SLC24A1: variants seen among roughly 807,000 people sequenced by gnomAD.
SLC24A1 encodes the protein solute carrier family 24 member 1.
Under a neutral mutation model 88.1 loss-of-function variants are expected in SLC24A1, and 52 were observed. That is an observed-to-expected ratio of 0.59 (90% CI 0.47 to 0.74). The LOEUF (loss-of-function observed/expected upper bound fraction) is 0.74. Ranked by LOEUF, SLC24A1 falls within the 30% of genes least tolerant of loss-of-function variation. The pLI, the probability that SLC24A1 is intolerant of heterozygous loss-of-function variation, is 0.00. For synonymous variants in SLC24A1, 455 were observed against 498.0 expected, an observed-to-expected ratio of 0.91 and a Z score of 1.15; for missense variants, 1,173 against 1,363.3, an observed-to-expected ratio of 0.86 and a Z score of 2.20.
intron 9 of SLC24A1, chr15:65,653,061 C>G (rs1325149950): frequency 3.1e-5 from 10 of 326,892 alleles, no homozygotes; most frequent in Non-Finnish European, 5.0e-5. Flanking sequence ...CCATTTCATT[C>G]CATTACCAAA....
rs59545207 is a variant in SLC24A1 at position 65,636,860 on chromosome 15, A to AAATAATAATAATAAT, written c.1891-1248_1891-1234dup. The stretch of plus-strand genomic sequence containing the variant: ...CACTGCACTCCAGCGCTCTGTCTCA[A>AAATAATAATAATAAT]AATAATAATAATAATAATAATAATA... On this transcript the variant is annotated intron_variant, in intron 2 of 9. Coordinates refer to ENST00000261892, the MANE Select transcript of SLC24A1 (RefSeq NM_004727.3). Among the ~76,000 whole-genome samples the AAATAATAATAATAAT allele has an allele frequency of 7.0e-3, 1,009 of 143,312 alleles. 13 individuals are homozygous for AAATAATAATAATAAT. Among genetic ancestry groups the AAATAATAATAATAAT allele is most frequent in the African/African-American group, 0.019 (717 of 37,960 alleles). The allele number at this position is 143,312 out of a possible 152,430, so 94.0% of individuals were successfully genotyped here.
rs765723264 is a variant in SLC24A1, at chr15:65,650,521, GAGA to G, written c.2377_2379del (p.Glu793del). On this transcript the variant is annotated inframe_deletion, in exon 7 of 10. Transcript: ENST00000261892. The surrounding 1 kb of genome is among the most constrained non-coding windows in gnomAD (Gnocchi z 4.1). Reference sequence around the variant, plus strand: ...GGTGAAACTGAAACACAAGGAAAAGGAGAAGAATGTGAAGATGAAAATGAAGCA... The same window carrying G: ...GGTGAAACTGAAACACAAGGAAAAGGAGAATGTGAAGATGAAAATGAAGCA... 1.3e-6 allele frequency: 2 copies of G among 1,551,694 alleles called. No homozygotes were observed. The highest frequency in any genetic ancestry group is 1.7e-6 in the Non-Finnish European group (2 of 1,147,018).
chr15:65,651,126 C>T (rs1296571724), intron 7 of SLC24A1, among the ~76,000 whole-genome samples, 184 bp downstream of exon 7: 2 of 152,106 alleles, frequency 1.3e-5, no homozygotes, highest in East Asian at 1.9e-4. Context: ...AGGGGACATA[C>T]CACTGGGACT....
Position 65,654,170 on chromosome 15 carries a change from AT to A in SLC24A1, c.*92del. ...TGACCCTAATGAAAGAATGTATATG[AT>A]CCTGGAAAGTGAACTGGGTGACCTA... On this transcript the variant is annotated 3_prime_UTR_variant, in exon 10 of 10. Coordinates refer to ENST00000261892, the MANE Select transcript of SLC24A1 (RefSeq NM_004727.3). 6.6e-7 allele frequency: 1 copy of A among 1,523,604 alleles called. No individual in the cohort carries two copies. Among genetic ancestry groups the A allele is most frequent in the Non-Finnish European group, 8.8e-7 (1 of 1,139,264 alleles). The allele number at this position is 1,523,604 out of a possible 1,614,324, so 94.4% of individuals were successfully genotyped here. A position where few individuals can be genotyped will look rare whatever the true frequency, so the allele number is the denominator to read the frequency against.
intron 2 of SLC24A1, among the ~76,000 whole-genome samples, chr15:65,616,859 G>A (rs891975279): frequency 1.3e-5 from 2 of 152,128 alleles, no homozygotes; most frequent in Admixed American, 6.6e-5. Flanking sequence ...ATGGTTTTAG[G>A]TCTAACATTT....
chr15:65,630,571 G>A (rs1004597825), intron 2 of SLC24A1, among the ~76,000 whole-genome samples: 4 of 152,180 alleles, frequency 2.6e-5, no homozygotes, highest in African/African-American at 9.7e-5. Flanking sequence ...TGGGCTGAGG[G>A]GTTCCCTTCT....
chr15:65,629,481 C>T (rs776495118), intron 2 of SLC24A1, among the ~76,000 whole-genome samples: 1 of 152,126 alleles, frequency 6.6e-6, no homozygotes, highest in Non-Finnish European at 1.5e-5. Context: ...CTTTTATGAC[C>T]CCAGTAAGGA....
intron 2 of SLC24A1, among the ~76,000 whole-genome samples, chr15:65,614,785 A>G (rs578040601): frequency 6.6e-6 from 1 of 152,342 alleles, no homozygotes; most frequent in African/African-American, 2.4e-5. Flanking sequence ...GATGGTGGAT[A>G]TGCATTTGTG....
chr15:65,642,881 A>G (rs947389091), intron 4 of SLC24A1: 9 of 619,800 alleles, frequency 1.5e-5, no homozygotes, highest in Middle Eastern at 4.3e-4. Context: ...AGCTTCCCAG[A>G]TTGCACTTTC....
rs369970909 is a variant in SLC24A1, at chr15:65,625,647, G to A, written c.1567G>A (p.Val523Met). 1.2e-5 allele frequency: 19 copies of A among 1,613,894 alleles called. No homozygotes were observed. Among genetic ancestry groups the A allele is most frequent in the Admixed American group, 5.0e-5 (3 of 60,016 alleles). ...LIGVFISHSN[V>M]GIGTIVGSAV... ...CGGTGTCTTCATTTCCCACAGCAACGTGGGCATTGGTACCATTGTGGGCTC... is the reference window on the plus strand; with the variant it reads ...CGGTGTCTTCATTTCCCACAGCAACATGGGCATTGGTACCATTGTGGGCTC... Residue 523 changes from valine (V) to methionine (M), a missense_variant, in exon 2 of 10, where the codon GTG becomes ATG. Coordinates refer to ENST00000261892, the MANE Select transcript of SLC24A1 (RefSeq NM_004727.3).
Position 65,650,984 on chromosome 15 carries a change from A to G in SLC24A1, c.2793+42A>G. 1 of 1,555,688 alleles carries G rather than the reference A, an allele frequency of 6.4e-7. No homozygotes were observed. Among genetic ancestry groups the G allele is most frequent in the Non-Finnish European group, 8.9e-7 (1 of 1,126,910 alleles). The stretch of plus-strand genomic sequence containing the variant: ...GTATCTCAGACTCTTTATCCCCAGC[A>G]GGGCTGTGGGGTCTCTCGGCATGCG... On this transcript the variant is annotated intron_variant, in intron 7 of 9. Coordinates refer to ENST00000261892, the MANE Select transcript of SLC24A1 (RefSeq NM_004727.3). This position sits in a 1 kb window ranked among gnomAD's most constrained non-coding sequence, Gnocchi z 4.1.
chr15:65,630,521 C>T (rs1167406589), intron 2 of SLC24A1, among the ~76,000 whole-genome samples: 1 of 152,148 alleles, frequency 6.6e-6, no homozygotes, highest in Non-Finnish European at 1.5e-5. Context: ...ACACTAGACT[C>T]CAGGGAACTC....
chr15:65,632,981 A>C (rs191040460), intron 2 of SLC24A1, among the ~76,000 whole-genome samples: 33 of 152,346 alleles, frequency 2.2e-4, no homozygotes, highest in African/African-American at 6.7e-4. Context: ...TGGTATAGGT[A>C]AGTGCTGAGG....
intron 2 of SLC24A1, among the ~76,000 whole-genome samples, chr15:65,614,095 A>C (rs1265274812): frequency 6.6e-6 from 1 of 152,156 alleles, no homozygotes; most frequent in Non-Finnish European, 1.5e-5. Context: ...AAAAAATTTT[A>C]TTATGGAAAT....
intron 7 of SLC24A1, 75 bp downstream of exon 7, chr15:65,651,017 C>A: frequency 7.7e-7 from 1 of 1,295,962 alleles, no homozygotes; most frequent in Non-Finnish European, 1.1e-6. Flanking sequence ...GCGGGGCTCA[C>A]ACTCAAGAGG....
chr15:65,623,991 ATCT>A lies in SLC24A1; in HGVS notation c.-86_-84del, dbSNP rs2074409692. The A allele has an allele frequency of 2.4e-6, 3 of 1,243,868 alleles. No individual in the cohort carries two copies. The highest frequency in any genetic ancestry group is 1.5e-5 in the South Asian group (1 of 65,530). 77.1% of individuals were successfully genotyped at this position (1,243,868 alleles called of 1,614,324 possible). A position where few individuals can be genotyped will look rare whatever the true frequency, so the allele number is the denominator to read the frequency against. The stretch of plus-strand genomic sequence containing the variant: ...CCCCCTGGCTGGGCTTCATGGAGAA[ATCT>A]TCTCTGATCACCAACCTGAATCCCA... On this transcript the variant is annotated 5_prime_UTR_variant, in exon 2 of 10. Transcript: ENST00000261892.
chr15:65,623,597 C>T (rs992637225), intron 1 of SLC24A1, among the ~76,000 whole-genome samples: 1 of 152,170 alleles, frequency 6.6e-6, no homozygotes, highest in African/African-American at 2.4e-5. Flanking sequence ...TGGCCTGACA[C>T]CAGCTATGGA....
intron 4 of SLC24A1, among the ~76,000 whole-genome samples, chr15:65,640,056 A>G (rs887038889): frequency 6.6e-5 from 10 of 152,190 alleles, no homozygotes; most frequent in African/African-American, 2.4e-4. Flanking sequence ...TGCAAAGCCC[A>G]CTGCCCAGGA....
chr15:65,618,516 CT>C (rs1232299441), upstream of SLC24A1, among the ~76,000 whole-genome samples: 20 of 152,232 alleles, frequency 1.3e-4, no homozygotes, highest in East Asian at 3.9e-3. Flanking sequence ...AATATAGGGG[CT>C]TTTTCTCCAA....
Sources: gnomAD v4.1 joint callset for allele counts (sites outside exome capture counted in the v4.1 genomes callset) on GRCh38, gnomAD v4.1.1 for gene constraint, Gnocchi (gnomAD v3.1) non-coding constraint, MANE v1.5 for transcripts, NCBI Gene and HGNC (gene_info 2026-07-23, HGNC 2026-07-21) for gene names.